Variants in GGACT observed in about 807,000 individuals in gnomAD.
GGACT encodes gamma-glutamylaminecyclotransferase.
For synonymous variants in GGACT, 118 were observed against 115.3 expected (o/e 1.02, Z -0.15); for missense variants, 241 against 233.2 (o/e 1.03, Z -0.22).
At chr13:100,547,209 G>A (rs1049142317) in intron 2 of GGACT, among the ~76,000 whole-genome samples, 7 of 152,290 alleles carry the variant, frequency 4.6e-5, no homozygotes, top group East Asian at 1.9e-4. Flanking sequence ...GAAGCAGGAC[G>A]TGCAGAGTAG....
Position 100,530,745 on chromosome 13 carries a change from C to T in GGACT, c.*1385G>A, listed in dbSNP as rs2088349111. ...GGGTGTACTGTTGGTGGCTGACTCC[C>T]CTGGAGGTCACCCTGAAGCTTCCTG... On this transcript the variant is annotated 3_prime_UTR_variant, in exon 3 of 3. Transcript: ENST00000683975. 5.7e-6 allele frequency: 1 copy of T among 175,158 alleles called. No homozygotes were observed. Among genetic ancestry groups the T allele is most frequent in the South Asian group, 1.3e-4 (1 of 7,616 alleles). The allele number at this position is 175,158 out of a possible 1,614,324, so 10.9% of individuals were successfully genotyped here.
intron 2 of GGACT, among the ~76,000 whole-genome samples, chr13:100,582,593 C>G (rs181930899): frequency 2.0e-5 from 3 of 151,982 alleles, no homozygotes; most frequent in Non-Finnish European, 1.5e-5. Context: ...ACAGATGTGA[C>G]GACAAAAGCA....
intron 2 of GGACT, among the ~76,000 whole-genome samples, chr13:100,560,430 T>G (rs1391075082): frequency 6.6e-6 from 1 of 152,224 alleles, no homozygotes; most frequent in African/African-American, 2.4e-5. Flanking sequence ...TCTGTTCCTC[T>G]CTCCTATTTG....
At chr13:100,583,376 T>C (rs1875472653) in intron 2 of GGACT, among the ~76,000 whole-genome samples, 1 of 152,200 alleles carries the variant, frequency 6.6e-6, no homozygotes, top group Non-Finnish European at 1.5e-5. Context: ...GTACAAAAAA[T>C]AGGGTGGAAA....
chr13:100,568,399 G>A (rs1055318177), intron 2 of GGACT, among the ~76,000 whole-genome samples: 2 of 152,220 alleles, frequency 1.3e-5, no homozygotes, highest in African/African-American at 2.4e-5. Context: ...TCTTCACAAG[G>A]CAGTGGCATC....
intron 2 of GGACT, among the ~76,000 whole-genome samples, chr13:100,581,090 A>C (rs1209740096): frequency 1.3e-5 from 2 of 152,252 alleles, no homozygotes; most frequent in African/African-American, 4.8e-5. Context: ...GGACTCACAG[A>C]AACAAATGGT....
intron 2 of GGACT, among the ~76,000 whole-genome samples, chr13:100,575,347 T>G (rs1382432489): frequency 6.6e-6 from 1 of 152,182 alleles, no homozygotes; most frequent in Non-Finnish European, 1.5e-5. Context: ...TTTTAGTAAC[T>G]AATCTAGGAG....
chr13:100,555,032 T>C (rs770646946), intron 2 of GGACT, among the ~76,000 whole-genome samples: 14 of 152,238 alleles, frequency 9.2e-5, no homozygotes, highest in South Asian at 2.1e-4. Flanking sequence ...AAGCCCTGTA[T>C]CTACTCACAG....
chr13:100,547,183 G>A (rs2088614700), intron 2 of GGACT, among the ~76,000 whole-genome samples: 1 of 152,156 alleles, frequency 6.6e-6, no homozygotes, highest in Admixed American at 6.5e-5. Context: ...CTCAGACCAG[G>A]CCCGGGAGCA....
At chr13:100,544,322 G>A (rs977985215) in intron 2 of GGACT, among the ~76,000 whole-genome samples, 2 of 152,238 alleles carry the variant, frequency 1.3e-5, no homozygotes, top group African/African-American at 4.8e-5. Context: ...TGCGCGAGGC[G>A]GGCCCTAAGG....
In GGACT at chr13:100,530,496, T is replaced by C; in HGVS notation, c.*1634A>G. ...ACACATAGGCGACAGGCTCTGCCAGTAGACTACCAGCATTTCTTTGTGATC... is the reference window on the plus strand; with the variant it reads ...ACACATAGGCGACAGGCTCTGCCAGCAGACTACCAGCATTTCTTTGTGATC... On this transcript the variant is annotated 3_prime_UTR_variant, in exon 3 of 3. Transcript: ENST00000683975. The C allele has an allele frequency of 2.3e-6, 1 of 426,462 alleles. No individual in the cohort carries two copies. Among genetic ancestry groups the C allele is most frequent in the Non-Finnish European group, 4.4e-6 (1 of 229,570 alleles). 26.4% of individuals were successfully genotyped at this position (426,462 alleles called of 1,614,324 possible).
intron 2 of GGACT, among the ~76,000 whole-genome samples, chr13:100,581,998 G>A (rs550595097): frequency 1.3e-5 from 2 of 152,278 alleles, no homozygotes; most frequent in African/African-American, 2.4e-5. Context: ...AAGCAAAAAC[G>A]TTGTAGTCCA....
chr13:100,562,530 T>A (rs2088772506), intron 2 of GGACT, among the ~76,000 whole-genome samples: 1 of 152,114 alleles, frequency 6.6e-6, no homozygotes, highest in African/African-American at 2.4e-5. Flanking sequence ...GTGTGGTGGC[T>A]CACGCCTGTA....
Position 100,530,362 on chromosome 13 carries a change from C to T in GGACT, c.*1768G>A. ...ATTTTCATTGATATAAATACTTGTA[C>T]ATATGATTTGTACTTCTGCTGTGAG... On this transcript the variant is annotated 3_prime_UTR_variant, in exon 3 of 3. Coordinates refer to ENST00000683975, the MANE Select transcript of GGACT (RefSeq NM_001195087.2). 3 of 634,896 alleles carry T rather than the reference C, an allele frequency of 4.7e-6. No individual in the cohort carries two copies. The highest frequency in any genetic ancestry group is 8.5e-6 in the Non-Finnish European group (3 of 351,586). The allele number at this position is 634,896 out of a possible 1,614,324, so 39.3% of individuals were successfully genotyped here.
At chr13:100,569,813 G>C (rs117569735) in intron 2 of GGACT, among the ~76,000 whole-genome samples, 6,262 of 152,262 alleles carry the variant, frequency 0.041, 187 homozygotes, top group Middle Eastern at 0.068. Flanking sequence ...TCTACCACCA[G>C]ATACCCTAAA....
At chr13:100,547,712 T>C (rs1287547049) in intron 2 of GGACT, among the ~76,000 whole-genome samples, 6 of 152,188 alleles carry the variant, frequency 3.9e-5, no homozygotes, top group South Asian at 2.1e-4. Context: ...TCTGGAGACA[T>C]TCAATAAAAC....
chr13:100,583,201 A>G (rs1407632233), intron 2 of GGACT, among the ~76,000 whole-genome samples: 2 of 152,200 alleles, frequency 1.3e-5, no homozygotes, highest in Non-Finnish European at 2.9e-5. Flanking sequence ...AGCTCTCATT[A>G]CATTTTCATT....
rs1459884335 is a variant in GGACT, at chr13:100,545,385, C to T, written c.-10-12784G>A. 6.6e-6 allele frequency among the ~76,000 whole-genome samples: 1 copy of T among 152,216 alleles called. No individual in the cohort carries two copies. Among genetic ancestry groups the T allele is most frequent in the Non-Finnish European group, 1.5e-5 (1 of 68,026 alleles). On this transcript the variant is annotated intron_variant, in intron 2 of 2. Transcript: ENST00000683975. This position sits in a 1 kb window ranked among gnomAD's most constrained non-coding sequence, Gnocchi z 4.4. ...CCAGGCAAGGGCAGCAGAGCCTTCA[C>T]GTCCCTTCCTGACCTCCTTCCTGAC... is the stretch of plus-strand genomic sequence containing the variant.
chr13:100,532,244 G>A lies in GGACT; in HGVS notation c.348C>T (p.Cys116=). The change falls in exon 3 of 3, where the codon TGC becomes TGT. Residue 116 remains cysteine (C), a synonymous_variant. Transcript: ENST00000683975. The part of the protein sequence containing the change: ...EEPPAPTAVQ[C]FVYSRATFPP... Reference sequence around the variant, plus strand: ...GGAAGGTGGCCCTGCTGTACACGAAGCACTGCACCGCGGTGGGCGCTGGCG... The same window carrying A: ...GGAAGGTGGCCCTGCTGTACACGAAACACTGCACCGCGGTGGGCGCTGGCG... The A allele has an allele frequency of 6.6e-7, 1 of 1,512,414 alleles. No individual in the cohort carries two copies. The highest frequency in any genetic ancestry group is 8.9e-7 in the Non-Finnish European group (1 of 1,124,138). 93.7% of individuals were successfully genotyped at this position (1,512,414 alleles called of 1,614,324 possible).
Sources: allele counts gnomAD v4.1 joint callset (sites outside exome capture counted in the v4.1 genomes callset), GRCh38; gene constraint gnomAD v4.1.1; non-coding constraint Gnocchi (gnomAD v3.1); transcripts MANE v1.5; gene names NCBI Gene and HGNC (gene_info 2026-07-23, HGNC 2026-07-21).